The following DOCK8 variants were observed in gnomAD, a reference collection of about 807,000 sequenced individuals.
The protein encoded by DOCK8 is dedicator of cytokinesis 8.
In DOCK8, 141 loss-of-function variants were observed where a neutral mutation model predicts 245.6. That is an observed-to-expected ratio of 0.57 (90% CI 0.50 to 0.66). The LOEUF (loss-of-function observed/expected upper bound fraction) is 0.66, where lower values mean the gene tolerates loss of function less well. Among genes scored for constraint, DOCK8 ranks in the 30% least tolerant of loss-of-function variants. The probability of loss-of-function intolerance (pLI) is 0.00; values close to 1 mark genes in which losing one functional copy is unlikely to be tolerated. For synonymous variants in DOCK8, 1,168 were observed against 970.2 expected (o/e 1.20, Z -3.79); for missense variants, 2,965 against 2,603.4 (o/e 1.14, Z -3.02).
At chr9:323,683 C>G (rs929254824) in intron 7 of DOCK8, among the ~76,000 whole-genome samples, 1 of 152,158 alleles carries the variant, frequency 6.6e-6, no homozygotes, top group African/African-American at 2.4e-5. Flanking sequence ...ACTCCCCAGC[C>G]CCTGGCAACT....
At chr9:370,447 G>T in intron 16 of DOCK8, 147 bp downstream of exon 16, 1 of 730,964 alleles carries the variant, frequency 1.4e-6, no homozygotes, top group South Asian at 1.5e-5. Flanking sequence ...CCGTGACTCT[G>T]TGTTGAAGAT....
chr9:257,912 G>C (rs1357433913), intron 1 of DOCK8, among the ~76,000 whole-genome samples: 1 of 152,336 alleles, frequency 6.6e-6, no homozygotes, highest in African/African-American at 2.4e-5. Flanking sequence ...TTTCTAGCTT[G>C]GCCAGGGGAT....
intron 30 of DOCK8, among the ~76,000 whole-genome samples, chr9:419,386 C>T (rs1336630558): frequency 6.6e-6 from 1 of 152,142 alleles, no homozygotes; most frequent in South Asian, 2.1e-4. Flanking sequence ...CCTCCTCCAC[C>T]TTTCTAATAT....
At chr9:332,831 A>AT (rs922575164) in intron 10 of DOCK8, among the ~76,000 whole-genome samples, 5 of 148,754 alleles carry the variant, frequency 3.4e-5, no homozygotes, top group African/African-American at 7.4e-5. Flanking sequence ...CTAGTTTTTT[A>AT]TTTTTTTTTA....
chr9:343,226 A>G (rs1255538564), intron 14 of DOCK8, among the ~76,000 whole-genome samples: 1 of 152,194 alleles, frequency 6.6e-6, no homozygotes, highest in Non-Finnish European at 1.5e-5. Flanking sequence ...GTGGCCAGAC[A>G]CAGTGGCTCA....
At chr9:359,101 G>T (rs951275155) in intron 14 of DOCK8, among the ~76,000 whole-genome samples, 1 of 152,224 alleles carries the variant, frequency 6.6e-6, no homozygotes, top group African/African-American at 2.4e-5. Flanking sequence ...CTATGCTGAT[G>T]CTGATGCTGA....
intron 39 of DOCK8, among the ~76,000 whole-genome samples, chr9:438,551 G>C (rs74834571): frequency 6.6e-6 from 1 of 152,196 alleles, no homozygotes; most frequent in Non-Finnish European, 1.5e-5. Context: ...GCGGGTACAA[G>C]ATCAGTACTT....
intron 36 of DOCK8, among the ~76,000 whole-genome samples, chr9:430,408 G>A (rs888474674): frequency 1.5e-4 from 23 of 151,624 alleles, no homozygotes; most frequent in Non-Finnish European, 1.3e-4. Flanking sequence ...ATAACCAGGT[G>A]CAGTGGCTCA....
intron 45 of DOCK8, among the ~76,000 whole-genome samples, chr9:451,768 A>G (rs1368160586): frequency 6.6e-6 from 1 of 151,636 alleles, no homozygotes; most frequent in Non-Finnish European, 1.5e-5. Context: ...TTTCAAACCA[A>G]CTACAAAATT....
At chr9:224,934 T>C (rs1397797671) in intron 1 of DOCK8, among the ~76,000 whole-genome samples, 1 of 152,198 alleles carries the variant, frequency 6.6e-6, no homozygotes, top group African/African-American at 2.4e-5. Context: ...AACAAGACTA[T>C]CACCCACCTG....
At chr9:387,210 G>A (rs1009242726) in intron 23 of DOCK8, among the ~76,000 whole-genome samples, 5 of 152,128 alleles carry the variant, frequency 3.3e-5, no homozygotes, top group Admixed American at 1.3e-4. Context: ...TTCGGAGGCC[G>A]AGGTGGGTGG....
intron 1 of DOCK8, among the ~76,000 whole-genome samples, chr9:243,802 A>C (rs150358128): frequency 6.6e-6 from 1 of 152,220 alleles, no homozygotes; most frequent in Non-Finnish European, 1.5e-5. Flanking sequence ...TTTGACCCAC[A>C]ATCCCCCTTT....
intron 26 of DOCK8, among the ~76,000 whole-genome samples, chr9:400,404 C>T (rs377229371): frequency 2.0e-4 from 11 of 53,790 alleles, no homozygotes; most frequent in South Asian, 2.0e-3. Context: ...CCACCTCCAC[C>T]ATCACCACCA....
In DOCK8 at chr9:386,322, G is replaced by T. The variant is rs760249668; in HGVS notation, c.2779-9G>T. Reference sequence around the variant, plus strand: ...GGTTGACTGTTAAGCCATGGTTTGTGTATTTTAGATCGCCGATCGCAACTG... The same window carrying T: ...GGTTGACTGTTAAGCCATGGTTTGTTTATTTTAGATCGCCGATCGCAACTG... On this transcript the variant is annotated splice_polypyrimidine_tract_variant and intron_variant, in intron 22 of 47. Transcript: ENST00000432829. The T allele has an allele frequency of 6.2e-7, 1 of 1,612,528 alleles. No homozygotes were observed. The highest frequency in any genetic ancestry group is 1.3e-5 in the African/African-American group (1 of 74,998).
intron 37 of DOCK8, among the ~76,000 whole-genome samples, chr9:432,836 G>A (rs934377907): frequency 2.6e-5 from 4 of 152,146 alleles, no homozygotes; most frequent in Non-Finnish European, 5.9e-5. Context: ...AGGAAGGGCC[G>A]AGTTTGAGAG....
chr9:380,050 A>G, intron 21 of DOCK8, 115 bp downstream of exon 21: 1 of 1,092,314 alleles, frequency 9.2e-7, no homozygotes. Flanking sequence ...CACATCTGCA[A>G]CCCCAGCACT....
chr9:389,492 T>A (rs918063494), intron 23 of DOCK8, among the ~76,000 whole-genome samples: 16 of 152,092 alleles, frequency 1.1e-4, no homozygotes, highest in Non-Finnish European at 5.9e-5. Flanking sequence ...CGATCCTGCT[T>A]CCCACAATGC....
intron 1 of DOCK8, among the ~76,000 whole-genome samples, chr9:226,159 C>A (rs2046985146): frequency 6.6e-6 from 1 of 152,126 alleles, no homozygotes; most frequent in African/African-American, 2.4e-5. Flanking sequence ...GCCTCACAAT[C>A]ATGGCAGAAG....
chr9:237,020 G>T (rs747285540), intron 1 of DOCK8, among the ~76,000 whole-genome samples: 1 of 152,186 alleles, frequency 6.6e-6, no homozygotes, highest in African/African-American at 2.4e-5. Flanking sequence ...CTTGCCTGGC[G>T]GCACTTCCAG....
Sources: gnomAD v4.1 joint callset for allele counts (sites outside exome capture counted in the v4.1 genomes callset) on GRCh38, gnomAD v4.1.1 for gene constraint, MANE v1.5 for transcripts, NCBI Gene and HGNC (gene_info 2026-07-23, HGNC 2026-07-21) for gene names.